The following SIPA1L3 variants were observed in gnomAD, a reference collection of about 807,000 sequenced individuals.
SIPA1L3 encodes the protein signal-induced proliferation-associated 1-like protein 3.
SIPA1L3 carries 59 observed loss-of-function variants against 150.1 expected under a neutral mutation model. The observed-to-expected ratio is 0.39, with a 90% CI of 0.32 to 0.49. The LOEUF (loss-of-function observed/expected upper bound fraction) is 0.49, where lower values mean the gene tolerates loss of function less well. SIPA1L3 is among the 20% of genes least tolerant of loss of function. The pLI, the probability that SIPA1L3 is intolerant of heterozygous loss-of-function variation, is 0.86. For synonymous variants in SIPA1L3, 1,070 were observed against 1,077.6 expected, an observed-to-expected ratio of 0.99 and a Z score of 0.14; for missense variants, 2,211 against 2,489.5, an observed-to-expected ratio of 0.89 and a Z score of 2.38.
intron 1 of SIPA1L3, among the ~76,000 whole-genome samples, chr19:37,989,081 G>GTGCC (rs149482152): frequency 0.013 from 1,983 of 152,326 alleles, 46 homozygotes; most frequent in African/African-American, 0.046. Context: ...CCCCAGCACG[G>GTGCC]TGCCTGCCGT....
chr19:38,095,553 C>T (rs1313420200), intron 4 of SIPA1L3, among the ~76,000 whole-genome samples: 1 of 152,154 alleles, frequency 6.6e-6, no homozygotes, highest in Admixed American at 6.5e-5. Flanking sequence ...TTGTTGCCCT[C>T]GACTAGCTGA....
At chr19:38,167,093 C>T (rs1199462827) in intron 15 of SIPA1L3, among the ~76,000 whole-genome samples, 1 of 151,958 alleles carries the variant, frequency 6.6e-6, no homozygotes, top group Admixed American at 6.6e-5. Flanking sequence ...ATTAGCTGGG[C>T]GTGGTGGTGG....
chr19:38,119,229 T>G (rs557273287), intron 8 of SIPA1L3, 77 bp from the exon 9 acceptor site: 2 of 1,375,288 alleles, frequency 1.5e-6, no homozygotes, highest in African/African-American at 2.9e-5. Context: ...CTATTCCTAT[T>G]TTTTGATCGA....
chr19:38,204,384 G>A (rs1287654880), intron 21 of SIPA1L3, among the ~76,000 whole-genome samples, 176 bp downstream of exon 21: 8 of 152,154 alleles, frequency 5.3e-5, no homozygotes, highest in Non-Finnish European at 8.8e-5. Context: ...GCTACCAAGC[G>A]CTCAGAGAAA....
chr19:38,078,939 A>T (rs1364686158), intron 2 of SIPA1L3, among the ~76,000 whole-genome samples: 1 of 152,148 alleles, frequency 6.6e-6, no homozygotes. Flanking sequence ...TATATGCTGG[A>T]CAGAAGCACA....
chr19:37,913,614 T>C (rs1339141662), intron 1 of SIPA1L3, among the ~76,000 whole-genome samples: 1 of 152,060 alleles, frequency 6.6e-6, no homozygotes, highest in African/African-American at 2.4e-5. Context: ...CAGGCTGGTC[T>C]TGAACTCCTG....
rs1216317212 is a variant in SIPA1L3, at chr19:38,155,981, T to TGAGGCAGGAGAATCGCTTGAACACGG, written c.3661+3022_3661+3047dup. Among the ~76,000 whole-genome samples the TGAGGCAGGAGAATCGCTTGAACACGG allele has an allele frequency of 1.6e-3, 241 of 152,222 alleles. 3 individuals are homozygous for TGAGGCAGGAGAATCGCTTGAACACGG. Among genetic ancestry groups the TGAGGCAGGAGAATCGCTTGAACACGG allele is most frequent in the African/African-American group, 5.6e-3 (232 of 41,522 alleles). On this transcript the variant is annotated intron_variant, in intron 13 of 21. Transcript: ENST00000222345. Reference sequence around the variant, plus strand: ...CTATAATCCCAGCTACTCAGGAGGCTGAGGCAGGAGAATCGCTTGAACACG... The same window carrying TGAGGCAGGAGAATCGCTTGAACACGG: ...CTATAATCCCAGCTACTCAGGAGGCTGAGGCAGGAGAATCGCTTGAACACGGGAGGCAGGAGAATCGCTTGAACACG...
chr19:37,942,004 A>G (rs2046663557), intron 1 of SIPA1L3, among the ~76,000 whole-genome samples: 1 of 152,188 alleles, frequency 6.6e-6, no homozygotes, highest in South Asian at 2.1e-4. Context: ...ATTGCACGAT[A>G]TCTAAGGGCC....
At chr19:38,146,183 T>A (rs929657313) in intron 12 of SIPA1L3, among the ~76,000 whole-genome samples, 5 of 152,208 alleles carry the variant, frequency 3.3e-5, no homozygotes, top group Middle Eastern at 3.2e-3. Context: ...ATTATTGTTA[T>A]TTCATGATGA....
intron 2 of SIPA1L3, among the ~76,000 whole-genome samples, chr19:38,062,969 G>A (rs1479816742): frequency 2.6e-5 from 4 of 152,132 alleles, no homozygotes; most frequent in African/African-American, 9.7e-5. Flanking sequence ...GGGCAGACTC[G>A]AGTCAGCCAA....
In SIPA1L3 at chr19:38,100,106, A is replaced by G. The variant is rs1356385413; in HGVS notation, c.1810A>G (p.Thr604Ala). ...NIHCLRLALN[T>A]PKVTEQLLKL... is the part of the protein sequence containing the mutation. The stretch of plus-strand genomic sequence containing the variant: ...CCACTGCCTGCGGCTGGCCCTCAAC[A>G]CCCCCAAGGTGACGGAGCAACTGCT... Residue 604 changes from threonine (T) to alanine (A), a missense_variant, in exon 5 of 22, where the codon ACC (threonine) becomes GCC (alanine). By Grantham distance (58) the Thr-to-Ala change is moderately conservative (BLOSUM62 0). Around this residue, in one of 5 missense-constraint regions of SIPA1L3, gnomAD observed 625 missense variants for 804.2 expected, o/e 0.78. Transcript: ENST00000222345. 1.9e-6 allele frequency: 3 copies of G among 1,601,690 alleles called. No homozygotes were observed. The highest frequency in any genetic ancestry group is 2.3e-5 in the East Asian group (1 of 43,542).
intron 1 of SIPA1L3, among the ~76,000 whole-genome samples, chr19:37,918,706 C>G (rs1400941791): frequency 1.3e-5 from 2 of 151,470 alleles, no homozygotes; most frequent in Non-Finnish European, 2.9e-5. Context: ...CCCATCTCTA[C>G]TAAAAATAGA....
intron 2 of SIPA1L3, among the ~76,000 whole-genome samples, chr19:38,069,551 C>A (rs1320149239): frequency 6.6e-6 from 1 of 152,228 alleles, no homozygotes; most frequent in East Asian, 1.9e-4. Context: ...CCTAAGACTG[C>A]ACAGTAGAAT....
At chr19:38,108,670 A>G (rs1225953197) in intron 7 of SIPA1L3, 1 of 152,226 alleles carries the variant, frequency 6.6e-6, no homozygotes, top group African/African-American at 2.4e-5. Context: ...TAACAGCTAC[A>G]TGAATGCTAG....
At chr19:38,049,778 C>T (rs1387227934) in intron 2 of SIPA1L3, among the ~76,000 whole-genome samples, 4 of 152,146 alleles carry the variant, frequency 2.6e-5, no homozygotes, top group South Asian at 4.2e-4. Context: ...CGCGTTCCCC[C>T]GAGAGCACAG....
chr19:38,002,506 G>A (rs1039561557), intron 1 of SIPA1L3, among the ~76,000 whole-genome samples: 10 of 151,686 alleles, frequency 6.6e-5, no homozygotes, highest in Non-Finnish European at 1.0e-4. Flanking sequence ...AGTCTGAGGC[G>A]GGCGGATCAC....
chr19:38,161,045 T>A (rs1330909985), intron 13 of SIPA1L3, among the ~76,000 whole-genome samples: 2 of 152,086 alleles, frequency 1.3e-5, no homozygotes, highest in Non-Finnish European at 2.9e-5. Flanking sequence ...CCATTTTTGT[T>A]TTTTAAAAAA....
chr19:37,992,680 A>G (rs557244689), intron 1 of SIPA1L3, among the ~76,000 whole-genome samples: 1 of 150,262 alleles, frequency 6.7e-6, no homozygotes. Flanking sequence ...TATGAATGGG[A>G]TGGTTCTAGA....
intron 7 of SIPA1L3, among the ~76,000 whole-genome samples, chr19:38,108,154 A>G (rs1970661941): frequency 6.6e-6 from 1 of 152,134 alleles, no homozygotes; most frequent in Non-Finnish European, 1.5e-5. Context: ...AATCAGGGTC[A>G]TTGAGAAAGG....
Sources: gnomAD v4.1 joint callset for allele counts (sites outside exome capture counted in the v4.1 genomes callset) on GRCh38, gnomAD v4.1.1 for gene constraint, gnomAD v4.1.1 regional missense constraint, MANE v1.5 for transcripts, NCBI Gene and HGNC (gene_info 2026-07-23, HGNC 2026-07-21) for gene names.